GLIS3: variants seen among roughly 807,000 people sequenced by gnomAD.
GLIS3 encodes GLIS family zinc finger 3.
GLIS3 carries 53 observed loss-of-function variants against 78.6 expected under a neutral mutation model. That is an observed-to-expected ratio of 0.67 (90% CI 0.54 to 0.85). The LOEUF (loss-of-function observed/expected upper bound fraction) is 0.85. Among genes scored for constraint, GLIS3 ranks in the 40% least tolerant of loss-of-function variants. The probability of loss-of-function intolerance (pLI) is 0.00; values close to 1 mark genes in which losing one functional copy is unlikely to be tolerated. For synonymous variants in GLIS3, 684 were observed against 509.9 expected (o/e 1.34, Z -4.60); for missense variants, 1,703 against 1,231.1 (o/e 1.38, Z -5.74).
At chr9:4,107,159 G>C (rs1024540115) in intron 4 of GLIS3, among the ~76,000 whole-genome samples, 2 of 152,160 alleles carry the variant, frequency 1.3e-5, no homozygotes, top group Non-Finnish European at 2.9e-5. Flanking sequence ...CCAAGATCAA[G>C]ATTGAAATGT....
chr9:3,985,109 A>C (rs372764904), intron 4 of GLIS3, among the ~76,000 whole-genome samples: 2 of 143,978 alleles, frequency 1.4e-5, no homozygotes, highest in East Asian at 2.0e-4. Flanking sequence ...AAAAAAAAAA[A>C]CCCATTTTTC....
intron 2 of GLIS3, among the ~76,000 whole-genome samples, chr9:4,216,183 T>G (rs1820810375): frequency 1.3e-5 from 2 of 152,008 alleles, no homozygotes; most frequent in Admixed American, 1.3e-4. Flanking sequence ...GAAGAAAATG[T>G]GGGTTGAGGC....
In GLIS3 at chr9:4,021,823, G is replaced by A. The variant is rs114317813; in HGVS notation, c.1711-84634C>T. Among the ~76,000 whole-genome samples the A allele has an allele frequency of 3.8e-3, 575 of 152,200 alleles. 3 individuals are homozygous for A. Among genetic ancestry groups the A allele is most frequent in the African/African-American group, 0.012 (508 of 41,520 alleles). On this transcript the variant is annotated intron_variant, in intron 4 of 10. Transcript: ENST00000381971. ...CATGTGACCAGCTGGGCTTCACCAG[G>A]GGAATTCACAAAGCAATAGTTTTTT...
chr9:4,452,580 G>C, the GLIS3 span, among the ~76,000 whole-genome samples: 2 of 152,100 alleles, frequency 1.3e-5, no homozygotes, highest in African/African-American at 4.8e-5. Flanking sequence ...TTGCTACAAA[G>C]AGGACAAAAT....
intron 2 of GLIS3, among the ~76,000 whole-genome samples, chr9:4,222,918 G>A (rs1229784257): frequency 2.0e-5 from 3 of 152,160 alleles, no homozygotes; most frequent in Non-Finnish European, 2.9e-5. Context: ...GGGGAATAAT[G>A]GATTATGCTC....
intron 2 of GLIS3, among the ~76,000 whole-genome samples, chr9:4,144,203 C>G (rs10974345): frequency 0.41 from 61,506 of 151,720 alleles, 12,836 homozygotes; most frequent in South Asian, 0.49. Context: ...CTAACACCTC[C>G]GTCCAAAGGA....
the GLIS3 span, among the ~76,000 whole-genome samples, chr9:4,468,389 G>A: frequency 2.6e-5 from 4 of 152,312 alleles, no homozygotes; most frequent in South Asian, 8.3e-4. Flanking sequence ...CAGAGAGTAA[G>A]GTTGGGTTAC....
intron 4 of GLIS3, among the ~76,000 whole-genome samples, chr9:4,113,854 G>A (rs1831416502): frequency 6.6e-6 from 1 of 152,228 alleles, no homozygotes; most frequent in South Asian, 2.1e-4. Context: ...ATTTTGCCAG[G>A]CAAAATGCCT....
At chr9:4,371,023 G>A in the GLIS3 span, among the ~76,000 whole-genome samples, 2 of 152,186 alleles carry the variant, frequency 1.3e-5, no homozygotes, top group African/African-American at 4.8e-5. Context: ...AGTGACCTGG[G>A]TTGGGTAGAA....
chr9:3,938,595 G>A (rs538635), intron 4 of GLIS3, among the ~76,000 whole-genome samples: 2,549 of 152,246 alleles, frequency 0.017, 73 homozygotes, highest in African/African-American at 0.058. Flanking sequence ...TTGCATGCTG[G>A]AGTATTTTAA....
At chr9:4,051,890 G>A (rs1245645924) in intron 4 of GLIS3, among the ~76,000 whole-genome samples, 2 of 152,262 alleles carry the variant, frequency 1.3e-5, no homozygotes, top group South Asian at 4.1e-4. Flanking sequence ...AACAGTGGAA[G>A]GTACTAACGT....
At chr9:4,416,252 T>TTTTTA in the GLIS3 span, among the ~76,000 whole-genome samples, 40 of 75,832 alleles carry the variant, frequency 5.3e-4, no homozygotes, top group African/African-American at 1.2e-3. Context: ...ACACTGTTTT[T>TTTTTA]AAAAAAAAAA....
At chr9:3,930,075 T>A (rs1173315552) in intron 6 of GLIS3, among the ~76,000 whole-genome samples, 1 of 152,242 alleles carries the variant, frequency 6.6e-6, no homozygotes, top group African/African-American at 2.4e-5. Flanking sequence ...GAATGACATT[T>A]CCTTTTTCTG....
chr9:4,162,196 GTC>G (rs1564135820), intron 2 of GLIS3, among the ~76,000 whole-genome samples: 1 of 152,046 alleles, frequency 6.6e-6, no homozygotes. Flanking sequence ...CTGCATTCTT[GTC>G]TCTGTGTCCA....
At chr9:4,319,484 G>C (rs992558870) in intron 2 of GLIS3, among the ~76,000 whole-genome samples, 2 of 151,960 alleles carry the variant, frequency 1.3e-5, no homozygotes, top group Admixed American at 1.3e-4. Flanking sequence ...ATTTTTAAAT[G>C]TTTTAAAATT....
chr9:4,000,382 T>C (rs1397275642), intron 4 of GLIS3, among the ~76,000 whole-genome samples: 1 of 152,164 alleles, frequency 6.6e-6, no homozygotes, highest in Non-Finnish European at 1.5e-5. Context: ...TAGTAATGTC[T>C]TCTAAGGAGA....
chr9:4,214,957 G>A (rs898166121), intron 2 of GLIS3, among the ~76,000 whole-genome samples: 1 of 152,164 alleles, frequency 6.6e-6, no homozygotes. Context: ...CACCTCACCT[G>A]TTTGTGAGAG....
intron 4 of GLIS3, among the ~76,000 whole-genome samples, chr9:3,996,819 TTAATAA>T (rs1820780826): frequency 6.6e-6 from 1 of 152,076 alleles, no homozygotes; most frequent in Admixed American, 6.5e-5. Flanking sequence ...ATGACATGTG[TTAATAA>T]TAATAGGAAT....
At chr9:4,468,367 G>C in the GLIS3 span, among the ~76,000 whole-genome samples, 72 of 152,300 alleles carry the variant, frequency 4.7e-4, no homozygotes, top group Non-Finnish European at 6.8e-4. Context: ...AGGAAAAAAT[G>C]TTAAGGGCAG....
Sources: gnomAD v4.1 joint callset for allele counts (sites outside exome capture counted in the v4.1 genomes callset) on GRCh38, gnomAD v4.1.1 for gene constraint, MANE v1.5 for transcripts, NCBI Gene and HGNC (gene_info 2026-07-23, HGNC 2026-07-21) for gene names.